Variants in EDARADD observed in about 807,000 individuals in gnomAD.
EDARADD encodes the protein EDAR associated via death domain.
A neutral mutation model predicts 25.6 loss-of-function variants in EDARADD; 20 were observed. That is an observed-to-expected ratio of 0.78 (90% CI 0.55 to 1.14). EDARADD has a LOEUF of 1.14. Among genes scored for constraint, EDARADD ranks in the 50% most tolerant of loss-of-function variants. The probability of loss-of-function intolerance (pLI) is 0.00; values close to 1 mark genes in which losing one functional copy is unlikely to be tolerated. For synonymous variants in EDARADD, 86 were observed against 94.4 expected (o/e 0.91, Z 0.52); for missense variants, 225 against 270.1 (o/e 0.83, Z 1.17).
At chr1:236,462,824 G>A (rs1412416695) in intron 4 of EDARADD, among the ~76,000 whole-genome samples, 2 of 152,138 alleles carry the variant, frequency 1.3e-5, no homozygotes, top group Admixed American at 6.5e-5. Context: ...TTACAAAATG[G>A]GGGTTTTCTT....
At chr1:236,369,342 T>G (rs1007269399) in intron 3 of EDARADD, among the ~76,000 whole-genome samples, 5 of 152,210 alleles carry the variant, frequency 3.3e-5, no homozygotes, top group African/African-American at 1.2e-4. Flanking sequence ...GCATGAAATA[T>G]CTTTTCATTT....
intron 4 of EDARADD, among the ~76,000 whole-genome samples, chr1:236,452,384 A>C (rs937915646): frequency 5.3e-5 from 8 of 152,232 alleles, no homozygotes; most frequent in African/African-American, 1.9e-4. Context: ...CATGTGTCTT[A>C]GGAGGGAGCT....
chr1:236,460,578 G>T (rs895765255), intron 4 of EDARADD, among the ~76,000 whole-genome samples: 2 of 152,068 alleles, frequency 1.3e-5, no homozygotes, highest in African/African-American at 2.4e-5. Context: ...GTAAGAAAAA[G>T]TAAAAATAAG....
intron 5 of EDARADD, among the ~76,000 whole-genome samples, chr1:236,480,254 T>A (rs1184003252): frequency 6.6e-6 from 1 of 151,762 alleles, no homozygotes; most frequent in African/African-American, 2.4e-5. Context: ...TGCCATATTG[T>A]CTTCATAGTT....
chr1:236,380,165 T>TTATTGA (rs200289056), intron 3 of EDARADD, among the ~76,000 whole-genome samples: 2,362 of 152,256 alleles, frequency 0.016, 56 homozygotes, highest in African/African-American at 0.053. Context: ...TGGATAAAAC[T>TTATTGA]TAATAGCATA....
intron 4 of EDARADD, among the ~76,000 whole-genome samples, chr1:236,435,383 G>A (rs1193988422): frequency 2.0e-5 from 3 of 152,212 alleles, no homozygotes; most frequent in Admixed American, 6.5e-5. Context: ...TATGCCCCTT[G>A]AGGGCAGGGA....
At chr1:236,407,668 G>A (rs911733882) in intron 1 of EDARADD, among the ~76,000 whole-genome samples, 2 of 150,466 alleles carry the variant, frequency 1.3e-5, no homozygotes, top group Non-Finnish European at 2.9e-5. Context: ...ACCCACGACT[G>A]CCACTTAGGG....
At chr1:236,478,357 A>ATGTG (rs746114148) in intron 5 of EDARADD, among the ~76,000 whole-genome samples, 2,581 of 128,294 alleles carry the variant, frequency 0.02, 35 homozygotes, top group Admixed American at 0.039. Flanking sequence ...ATCCATATAT[A>ATGTG]TATGTGTGTG....
intron 1 of EDARADD, among the ~76,000 whole-genome samples, chr1:236,405,955 A>T (rs1433163613): frequency 5.0e-5 from 6 of 119,538 alleles, no homozygotes; most frequent in African/African-American, 6.6e-5. Context: ...GCTCATTCTA[A>T]TTTTCCTGTA....
At chr1:236,407,053 G>A (rs1571916327) in intron 1 of EDARADD, among the ~76,000 whole-genome samples, 1 of 152,312 alleles carries the variant, frequency 6.6e-6, no homozygotes, top group Non-Finnish European at 1.5e-5. Flanking sequence ...GTCAGAACTG[G>A]GGCTCTGTCC....
chr1:236,480,608 A>G (rs1267114598), intron 5 of EDARADD, among the ~76,000 whole-genome samples: 5 of 152,174 alleles, frequency 3.3e-5, no homozygotes, highest in Non-Finnish European at 7.3e-5. Flanking sequence ...TTATATATAT[A>G]GTAAAGGCTA....
intron 3 of EDARADD, among the ~76,000 whole-genome samples, chr1:236,363,006 A>AAAAAAATATATAT (rs1377112051): frequency 2.3e-4 from 10 of 42,946 alleles, no homozygotes; most frequent in African/African-American, 2.2e-4. Flanking sequence ...AAAAAAAAAA[A>AAAAAAATATATAT]ATATATATAT....
At chr1:236,417,506 T>C (rs898100166) in intron 3 of EDARADD, among the ~76,000 whole-genome samples, 14 of 152,342 alleles carry the variant, frequency 9.2e-5, no homozygotes. Flanking sequence ...ATATAAATTA[T>C]ATCTGTTTTC....
intron 1 of EDARADD, among the ~76,000 whole-genome samples, chr1:236,408,074 G>A (rs1350881124): frequency 6.6e-6 from 1 of 152,224 alleles, no homozygotes; most frequent in Non-Finnish European, 1.5e-5. Flanking sequence ...CAGTAGGCAA[G>A]AGAGTCATTA....
chr1:236,476,978 C>T (rs1409785514), intron 5 of EDARADD, among the ~76,000 whole-genome samples: 2 of 148,272 alleles, frequency 1.3e-5, no homozygotes, highest in East Asian at 4.0e-4. Context: ...GGCCATAGAG[C>T]AAGACCCTGT....
At chr1:236,405,885 C>A (rs1667719950) in intron 1 of EDARADD, among the ~76,000 whole-genome samples, 1 of 36,556 alleles carries the variant, frequency 2.7e-5, no homozygotes, top group Non-Finnish European at 6.2e-5. Context: ...TTCTTTCTTT[C>A]TTTCTTTCTT....
intron 3 of EDARADD, among the ~76,000 whole-genome samples, chr1:236,352,363 G>C (rs1666924019): frequency 6.6e-6 from 1 of 152,194 alleles, no homozygotes. Context: ...AGTTTGGTCT[G>C]TTGAGCCAAG....
Position 236,373,117 on chromosome 1 carries a change from A to G in EDARADD, c.-6+22278A>G, listed in dbSNP as rs543056180. Among the ~76,000 whole-genome samples the G allele has an allele frequency of 1.4e-4, 22 of 151,804 alleles. No individual in the cohort carries two copies. In the South Asian group the frequency reaches 4.4e-3, roughly 30 times the overall value. ...TTTTTAGTAGAGATGGGGTTTCACC[A>G]TGTTAGCCAGCATGGTCTCGATCTC... On this transcript the variant is annotated intron_variant, in intron 3 of 7. Transcript: ENST00000439430.
chr1:236,378,958 A>G (rs1667260902), intron 3 of EDARADD, among the ~76,000 whole-genome samples: 1 of 152,118 alleles, frequency 6.6e-6, no homozygotes. Context: ...CTAGATGTGG[A>G]GAGGGGATGA....
Sources: allele counts gnomAD v4.1 joint callset (sites outside exome capture counted in the v4.1 genomes callset), GRCh38; gene constraint gnomAD v4.1.1; transcripts MANE v1.5; gene names NCBI Gene and HGNC (gene_info 2026-07-23, HGNC 2026-07-21).